Variants in TBC1D7 observed in about 807,000 individuals in gnomAD.
TBC1D7 encodes TBC domain family 7.
In TBC1D7, 33 loss-of-function variants were observed where a neutral mutation model predicts 35.3. The ratio of observed to expected loss-of-function variants is 0.93; its 90% CI spans 0.71 to 1.25. The LOEUF is 1.25. Among genes scored for constraint, TBC1D7 ranks in the 50% most tolerant of loss-of-function variants. TBC1D7 has a pLI of 0.00. For synonymous variants in TBC1D7, 135 were observed against 129.5 expected, an observed-to-expected ratio of 1.04 and a Z score of -0.29; for missense variants, 362 against 365.3, an observed-to-expected ratio of 0.99 and a Z score of 0.07.
At chr6:13,315,792 C>A (rs9349564) in intron 5 of TBC1D7, among the ~76,000 whole-genome samples, 41,576 of 152,144 alleles carry the variant, frequency 0.27, 5,986 homozygotes, top group South Asian at 0.46. Context: ...AGTAAGGCTT[C>A]CAGTCAACAG....
chr6:13,322,207 TCGTACCAC>T (rs1382922074), intron 3 of TBC1D7, among the ~76,000 whole-genome samples: 3 of 151,770 alleles, frequency 2.0e-5, no homozygotes, highest in Non-Finnish European at 4.4e-5. Flanking sequence ...TGAGCTGTGA[TCGTACCAC>T]CGCACGCCAG....
chr6:13,307,171 T>A (rs1421905223), intron 6 of TBC1D7: 3 of 174,534 alleles, frequency 1.7e-5, no homozygotes, highest in Admixed American at 1.7e-4. Context: ...CATCACAAAG[T>A]CTTAATGGGT....
At chr6:13,326,559 A>G (rs1199824588) in intron 2 of TBC1D7, among the ~76,000 whole-genome samples, 3 of 152,212 alleles carry the variant, frequency 2.0e-5, no homozygotes, top group African/African-American at 7.2e-5. Context: ...GGGTTCAATA[A>G]AAGAAAAAAA....
intron 3 of TBC1D7, chr6:13,323,604 G>T (rs1366820850): frequency 2.6e-5 from 4 of 152,154 alleles, no homozygotes; most frequent in Non-Finnish European, 5.9e-5. Context: ...AACTAAAATA[G>T]TTGTCACCGC....
At chr6:13,319,001 CA>C (rs2127536780) in intron 4 of TBC1D7, 1 of 147,190 alleles carries the variant, frequency 6.8e-6, no homozygotes, top group South Asian at 2.1e-4. Flanking sequence ...CCCAAGTGAT[CA>C]AAGTTAGCAG....
At chr6:13,322,275 A>T (rs755894171) in intron 3 of TBC1D7, among the ~76,000 whole-genome samples, 1 of 152,090 alleles carries the variant, frequency 6.6e-6, no homozygotes, top group Non-Finnish European at 1.5e-5. Context: ...AAGAAAAAAC[A>T]AAACAAAAAA....
intron 3 of TBC1D7, among the ~76,000 whole-genome samples, chr6:13,324,049 T>C (rs1784236005): frequency 6.6e-6 from 1 of 152,170 alleles, no homozygotes; most frequent in Non-Finnish European, 1.5e-5. Flanking sequence ...TAAGGAGCAA[T>C]CATAGTTTAT....
chr6:13,324,695 T>C (rs1303514454), intron 3 of TBC1D7, among the ~76,000 whole-genome samples: 1 of 152,200 alleles, frequency 6.6e-6, no homozygotes, highest in African/African-American at 2.4e-5. Context: ...GATTAGGAAG[T>C]TATACCTCTA....
chr6:13,316,562 AGCCCTC>A lies in TBC1D7; in HGVS notation c.519+3_519+8del. 1 of 1,579,078 alleles carries A rather than the reference AGCCCTC, an allele frequency of 6.3e-7. No individual in the cohort carries two copies. Among genetic ancestry groups the A allele is most frequent in the South Asian group, 1.2e-5 (1 of 84,878 alleles). On this transcript the variant is annotated splice_donor_5th_base_variant and intron_variant, in intron 5 of 7. Coordinates refer to ENST00000379300, the MANE Select transcript of TBC1D7 (RefSeq NM_016495.6). The stretch of plus-strand genomic sequence containing the variant: ...TCTCCAATAGCCAAAAAAAAAAAAA[AGCCCTC>A]ACCAACTGGGGCAAGGAATCCCGGT...
At chr6:13,307,804 T>C in intron 5 of TBC1D7, 59 bp from the exon 6 acceptor site, 2 of 1,520,758 alleles carry the variant, frequency 1.3e-6, no homozygotes, top group Non-Finnish European at 1.8e-6. Context: ...TCATCTGATA[T>C]TATAGTCTCT....
chr6:13,324,618 C>T (rs546355277), intron 3 of TBC1D7, among the ~76,000 whole-genome samples: 2 of 152,320 alleles, frequency 1.3e-5, no homozygotes, highest in African/African-American at 2.4e-5. Context: ...CACTCAGCCA[C>T]TCGCACCACT....
At chr6:13,318,758 A>G (rs1475563837) in intron 4 of TBC1D7, 1 of 152,206 alleles carries the variant, frequency 6.6e-6, no homozygotes. Context: ...TGATATAAAT[A>G]AAGAAGGAGA....
chr6:13,311,194 A>G (rs1433804505), intron 5 of TBC1D7, among the ~76,000 whole-genome samples: 1 of 152,228 alleles, frequency 6.6e-6, no homozygotes, highest in Non-Finnish European at 1.5e-5. Context: ...AATAGCAATA[A>G]AACAAAGATC....
chr6:13,308,553 G>C (rs1782971377), intron 5 of TBC1D7, among the ~76,000 whole-genome samples: 1 of 152,180 alleles, frequency 6.6e-6, no homozygotes, highest in South Asian at 2.1e-4. Flanking sequence ...GCTATATTTA[G>C]GCTGGCTGCT....
chr6:13,314,014 C>T (rs773564667), intron 5 of TBC1D7, among the ~76,000 whole-genome samples: 5 of 152,070 alleles, frequency 3.3e-5, no homozygotes, highest in Non-Finnish European at 5.9e-5. Flanking sequence ...AAGGTCAGAT[C>T]GAGAGCATCC....
intron 6 of TBC1D7, 59 bp from the exon 7 acceptor site, chr6:13,306,586 G>A: frequency 7.5e-7 from 1 of 1,324,796 alleles, no homozygotes; most frequent in Non-Finnish European, 1.0e-6. Context: ...GTTTAGCCTA[G>A]ACATCTCAAA....
chr6:13,314,564 T>G (rs962903662), intron 5 of TBC1D7, among the ~76,000 whole-genome samples: 2 of 152,234 alleles, frequency 1.3e-5, no homozygotes, highest in Admixed American at 6.5e-5. Context: ...ACATATTTAC[T>G]TAAGCTCCAT....
chr6:13,306,236 C>A, intron 7 of TBC1D7, 162 bp downstream of exon 7: 1 of 518,366 alleles, frequency 1.9e-6, no homozygotes. Flanking sequence ...AAATAATTTC[C>A]CTAAAATAAT....
chr6:13,320,824 A>T, intron 4 of TBC1D7, 84 bp downstream of exon 4: 1 of 1,391,942 alleles, frequency 7.2e-7, no homozygotes, highest in Non-Finnish European at 1.0e-6. Context: ...AAAAGTTTTT[A>T]AGGCAAAACA....
Sources: allele counts gnomAD v4.1 joint callset (sites outside exome capture counted in the v4.1 genomes callset), GRCh38; gene constraint gnomAD v4.1.1; transcripts MANE v1.5; gene names NCBI Gene and HGNC (gene_info 2026-07-23, HGNC 2026-07-21).